CTNNA3: variants seen among roughly 807,000 people sequenced by gnomAD.
CTNNA3 encodes catenin alpha 3.
In CTNNA3, 76 loss-of-function variants were observed where a neutral mutation model predicts 95.7. The ratio of observed to expected loss-of-function variants is 0.79; its 90% CI spans 0.66 to 0.96. The LOEUF is 0.96. Ranked by LOEUF, CTNNA3 falls within the 40% of genes least tolerant of loss-of-function variation. The probability of loss-of-function intolerance (pLI) is 0.00; values close to 1 mark genes in which losing one functional copy is unlikely to be tolerated. For synonymous variants in CTNNA3, 431 were observed against 374.4 expected, an observed-to-expected ratio of 1.15 and a Z score of -1.74; for missense variants, 1,191 against 1,089.8, an observed-to-expected ratio of 1.09 and a Z score of -1.31.
intron 7 of CTNNA3, among the ~76,000 whole-genome samples, chr10:67,042,466 T>C (rs1854457138): frequency 6.6e-6 from 1 of 152,158 alleles, no homozygotes. Context: ...AGCATGTAGA[T>C]TTTTAGATCT....
chr10:66,346,357 C>G (rs1329029981), intron 12 of CTNNA3, among the ~76,000 whole-genome samples: 1 of 150,720 alleles, frequency 6.6e-6, no homozygotes, highest in African/African-American at 2.4e-5. Context: ...CGGCTCACTG[C>G]AACCCACGCC....
At chr10:66,751,333 T>C (rs769167179) in intron 9 of CTNNA3, among the ~76,000 whole-genome samples, 1 of 152,220 alleles carries the variant, frequency 6.6e-6, no homozygotes, top group Non-Finnish European at 1.5e-5. Context: ...GACTTTTGTA[T>C]ATTAATCATA....
intron 12 of CTNNA3, among the ~76,000 whole-genome samples, chr10:66,282,473 G>GA (rs1468451450): frequency 6.6e-6 from 1 of 151,518 alleles, no homozygotes; most frequent in African/African-American, 2.4e-5. Flanking sequence ...AGTCATTCAT[G>GA]AAAAAAACCC....
Position 66,445,231 on chromosome 10 carries a change from T to C in CTNNA3, c.1532-65879A>G, listed in dbSNP as rs1324925502. Among the ~76,000 whole-genome samples the C allele has an allele frequency of 1.0e-3, 157 of 151,990 alleles. 1 individual carries two copies. Among genetic ancestry groups the C allele is most frequent in the African/African-American group, 3.3e-3 (138 of 41,412 alleles). On this transcript the variant is annotated intron_variant, in intron 11 of 17. Coordinates refer to ENST00000433211, the MANE Select transcript of CTNNA3 (RefSeq NM_013266.4). ...CCCACACAATAATAATGGGAGACATTAACACCCCACTGTCAACATTAGACA... is the reference window on the plus strand; with the variant it reads ...CCCACACAATAATAATGGGAGACATCAACACCCCACTGTCAACATTAGACA...
chr10:67,583,409 A>G (rs1327018778), intron 3 of CTNNA3, among the ~76,000 whole-genome samples: 1 of 152,126 alleles, frequency 6.6e-6, no homozygotes, highest in Non-Finnish European at 1.5e-5. Flanking sequence ...TGGCTTGTAG[A>G]GTTTCTGCTG....
At chr10:66,870,997 A>G (rs1041158025) in intron 7 of CTNNA3, among the ~76,000 whole-genome samples, 2 of 152,188 alleles carry the variant, frequency 1.3e-5, no homozygotes, top group Non-Finnish European at 2.9e-5. Flanking sequence ...GCTGACTTCT[A>G]CATTTCAATA....
chr10:65,989,424 G>C (rs960473801), intron 15 of CTNNA3, among the ~76,000 whole-genome samples: 1 of 152,040 alleles, frequency 6.6e-6, no homozygotes, highest in Non-Finnish European at 1.5e-5. Context: ...ACCCTTCATA[G>C]ACCTAGATAC....
rs1848337951 is a variant in CTNNA3 at position 66,712,798 on chromosome 10, G to C, written c.1281+53466C>G. On this transcript the variant is annotated intron_variant, in intron 9 of 17. Transcript: ENST00000433211. ...CATTTCCTCTGATACAAATAGAAAA[G>C]ACGTCTCACATTCAGCTACCTATGC... Among the ~76,000 whole-genome samples the C allele has an allele frequency of 3.9e-5, 6 of 152,256 alleles. No homozygotes were observed. The South Asian group carries it at 1.2e-3, about 32-fold the overall frequency.
At chr10:66,880,681 C>CT (rs1480466235) in intron 7 of CTNNA3, among the ~76,000 whole-genome samples, 1 of 152,018 alleles carries the variant, frequency 6.6e-6, no homozygotes, top group African/African-American at 2.4e-5. Flanking sequence ...AGCAATGACA[C>CT]TTTTTTTCTC....
chr10:67,733,894 C>T (rs1461344007), intron 1 of CTNNA3, among the ~76,000 whole-genome samples: 1 of 152,170 alleles, frequency 6.6e-6, no homozygotes, highest in Non-Finnish European at 1.5e-5. Flanking sequence ...AGTCCCTATC[C>T]TTCAGAAATT....
chr10:67,324,731 G>A (rs1841472438), intron 5 of CTNNA3, among the ~76,000 whole-genome samples: 1 of 150,892 alleles, frequency 6.6e-6, no homozygotes, highest in African/African-American at 2.4e-5. Context: ...CCAGATTTTG[G>A]TATCAGGATG....
chr10:66,811,488 A>G (rs181739795), intron 7 of CTNNA3, among the ~76,000 whole-genome samples: 43 of 152,332 alleles, frequency 2.8e-4, no homozygotes, highest in African/African-American at 9.9e-4. Context: ...AATCACTATA[A>G]TTCTTTAGCT....
At chr10:66,394,887 G>A (rs1005098585) in intron 11 of CTNNA3, among the ~76,000 whole-genome samples, 7 of 151,890 alleles carry the variant, frequency 4.6e-5, no homozygotes, top group African/African-American at 1.7e-4. Context: ...GACACATATA[G>A]CAGAAAAGAA....
intron 3 of CTNNA3, among the ~76,000 whole-genome samples, chr10:67,583,482 G>C (rs1227670411): frequency 6.6e-6 from 1 of 152,120 alleles, no homozygotes; most frequent in Non-Finnish European, 1.5e-5. Context: ...CTCTCTGGCT[G>C]CCCTTAACAT....
chr10:66,815,058 G>A lies in CTNNA3; in HGVS notation c.1048-39534C>T, dbSNP rs570729157. Among the ~76,000 whole-genome samples, 422 of 151,724 alleles carry A rather than the reference G, an allele frequency of 2.8e-3. 3 individuals carry two copies. The highest frequency in any genetic ancestry group is 9.7e-3 in the African/African-American group (402 of 41,440). ...GTAGAGACGGGGTTTCACCGTATTC[G>A]CCAACATTTTTTAAACTTTCACCCA... On this transcript the variant is annotated intron_variant, in intron 7 of 17. Transcript: ENST00000433211.
intron 11 of CTNNA3, among the ~76,000 whole-genome samples, chr10:66,399,968 C>A (rs1564928289): frequency 2.6e-5 from 4 of 151,874 alleles, no homozygotes; most frequent in African/African-American, 9.7e-5. Flanking sequence ...AGAAGATGAA[C>A]TCCTAAATAT....
intron 13 of CTNNA3, among the ~76,000 whole-genome samples, chr10:66,263,628 C>A (rs544551419): frequency 6.6e-6 from 1 of 151,946 alleles, no homozygotes; most frequent in African/African-American, 2.4e-5. Flanking sequence ...AAGTCTAATC[C>A]CCTCTCCCTG....
intron 14 of CTNNA3, among the ~76,000 whole-genome samples, chr10:66,087,371 C>T (rs1436234404): frequency 6.6e-6 from 1 of 152,048 alleles, no homozygotes; most frequent in African/African-American, 2.4e-5. Context: ...TTCCTCTTAT[C>T]GCGAGACAAC....
At chr10:67,103,202 T>C (rs568710202) in intron 7 of CTNNA3, among the ~76,000 whole-genome samples, 1 of 152,020 alleles carries the variant, frequency 6.6e-6, no homozygotes, top group South Asian at 2.1e-4. Context: ...TCAATTGCTT[T>C]CTATTCTAAA....
Sources: allele counts gnomAD v4.1 joint callset (sites outside exome capture counted in the v4.1 genomes callset), GRCh38; gene constraint gnomAD v4.1.1; transcripts MANE v1.5; gene names NCBI Gene and HGNC (gene_info 2026-07-23, HGNC 2026-07-21).